Variants in MACF1 observed in about 807,000 individuals in gnomAD.
MACF1 encodes the protein microtubule actin crosslinking factor 1.
In MACF1, 193 loss-of-function variants were observed where a neutral mutation model predicts 854.8. That is an observed-to-expected ratio of 0.23 (90% CI 0.20 to 0.25). The LOEUF (loss-of-function observed/expected upper bound fraction) is 0.25, where lower values mean the gene tolerates loss of function less well. Among genes scored for constraint, MACF1 ranks in the 10% least tolerant of loss-of-function variants. The pLI, the probability that MACF1 is intolerant of heterozygous loss-of-function variation, is 1.00. For missense variants in MACF1, 7,722 were observed against 8,929.1 expected (o/e 0.86, Z 5.45); for synonymous variants, 3,185 against 3,226.7 (o/e 0.99, Z 0.44).
intron 22 of MACF1, 33 bp from the exon 23 acceptor site, chr1:39,302,891 C>A (rs756746330): frequency 2.5e-6 from 4 of 1,592,396 alleles, no homozygotes; most frequent in Non-Finnish European, 2.6e-6. Context: ...TTGGTTTATC[C>A]ATTAGCAATC....
intron 2 of MACF1, among the ~76,000 whole-genome samples, chr1:39,185,240 C>T (rs1030429470): frequency 2.0e-5 from 3 of 150,004 alleles, no homozygotes; most frequent in Non-Finnish European, 3.0e-5. Context: ...TGCAGTGAGC[C>T]GACATGGCAC....
chr1:39,171,203 TTGTG>T (rs147517281), intron 2 of MACF1, among the ~76,000 whole-genome samples: 3,444 of 146,324 alleles, frequency 0.024, 78 homozygotes, highest in East Asian at 0.13. Context: ...ATCTTTCTGT[TTGTG>T]TGTGTGTGTG....
intron 2 of MACF1, among the ~76,000 whole-genome samples, chr1:39,137,957 C>A (rs1370822437): frequency 1.3e-5 from 2 of 151,396 alleles, no homozygotes; most frequent in African/African-American, 4.9e-5. Context: ...GCCTATAATC[C>A]CAGCTACTAG....
chr1:39,341,470 C>T (rs1646934145), intron 40 of MACF1, among the ~76,000 whole-genome samples: 1 of 150,676 alleles, frequency 6.6e-6, no homozygotes, highest in Non-Finnish European at 1.5e-5. Context: ...CCGAGGCGGG[C>T]AGATCACCTG....
At chr1:39,411,385 G>A (rs1266801164) in intron 58 of MACF1, 5 of 1,613,934 alleles carry the variant, frequency 3.1e-6, no homozygotes, top group African/African-American at 1.3e-5. Context: ...AGTGGTGGAG[G>A]ATGGATCCGA....
Position 39,161,335 on chromosome 1 carries a change from G to A in MACF1, c.221-69847G>A, listed in dbSNP as rs76718314. On this transcript the variant is annotated intron_variant, in intron 2 of 93. Coordinates refer to the MACF1 transcript ENST00000361689. ...GAAGCAGAGAGGTAGGTGAAGTAGA[G>A]TGGTGAGAAAGTGGTTCACTAGCCT... Among the ~76,000 whole-genome samples the A allele has an allele frequency of 8.5e-3, 1,296 of 152,212 alleles. 17 individuals are homozygous for A. The highest frequency in any genetic ancestry group is 0.03 in the African/African-American group (1,226 of 41,522).
chr1:39,307,575 GATTATT>G (rs540625584), intron 23 of MACF1, among the ~76,000 whole-genome samples: 2 of 151,906 alleles, frequency 1.3e-5, no homozygotes, highest in African/African-American at 4.8e-5. Flanking sequence ...GGATGATGAT[GATTATT>G]ATTATTATTT....
intron 2 of MACF1, among the ~76,000 whole-genome samples, chr1:39,098,357 G>A (rs1641985899): frequency 6.6e-6 from 1 of 152,236 alleles, no homozygotes; most frequent in African/African-American, 2.4e-5. Context: ...ACTTGCTCAA[G>A]GTCTCCCAGC....
rs891505232 is a variant in MACF1 at position 39,409,116 on chromosome 1, G to C, written c.15817-13258G>C. 2.0e-5 allele frequency among the ~76,000 whole-genome samples: 3 copies of C among 151,962 alleles called. No individual in the cohort carries two copies. Among genetic ancestry groups the C allele is most frequent in the African/African-American group, 4.8e-5 (2 of 41,380 alleles). On this transcript the variant is annotated intron_variant, in intron 58 of 100. Transcript: ENST00000564288. The surrounding 1 kb of genome is among the most constrained non-coding windows in gnomAD (Gnocchi z 4.2). ...AGCGAGCTAGCGGGTCGCGCTGCGC[G>C]GGGGAGGAGGACTCGCCCCCCGCCC...
At chr1:39,478,695 C>T (rs768208422) in intron 97 of MACF1, among the ~76,000 whole-genome samples, 6 of 152,196 alleles carry the variant, frequency 3.9e-5, no homozygotes, top group Non-Finnish European at 7.3e-5. Flanking sequence ...CCTTAAGGGA[C>T]ATATGGGGTA....
chr1:39,194,030 A>G (rs948182782), intron 2 of MACF1, among the ~76,000 whole-genome samples: 1 of 151,874 alleles, frequency 6.6e-6, no homozygotes, highest in Non-Finnish European at 1.5e-5. Context: ...ATGGGGTTTC[A>G]CCATATTGGT....
chr1:39,163,088 C>T (rs1417114485), intron 2 of MACF1, among the ~76,000 whole-genome samples: 1 of 152,048 alleles, frequency 6.6e-6, no homozygotes, highest in African/African-American at 2.4e-5. Flanking sequence ...CATGGTGGCT[C>T]ACGCCTGTAA....
chr1:39,268,559 G>A, intron 6 of MACF1: 5 of 1,170,128 alleles, frequency 4.3e-6, no homozygotes, highest in Non-Finnish European at 5.4e-6. Context: ...GGGGAGGGAG[G>A]GAGAAAGAAT....
chr1:39,322,149 A>G (rs963604044), intron 31 of MACF1, among the ~76,000 whole-genome samples: 10 of 152,126 alleles, frequency 6.6e-5, no homozygotes, highest in Admixed American at 2.6e-4. Context: ...AATTAGGGAA[A>G]TTCACATCCC....
intron 58 of MACF1, among the ~76,000 whole-genome samples, chr1:39,421,934 G>A (rs1319596669): frequency 6.6e-6 from 1 of 152,070 alleles, no homozygotes; most frequent in Non-Finnish European, 1.5e-5. Context: ...AATTAGCTGG[G>A]CATGGTGGCG....
At chr1:39,159,851 G>A (rs1409244867) in intron 2 of MACF1, among the ~76,000 whole-genome samples, 1 of 152,104 alleles carries the variant, frequency 6.6e-6, no homozygotes, top group Non-Finnish European at 1.5e-5. Context: ...GGTAGAGGGA[G>A]GAAAGGAGTA....
intron 97 of MACF1, among the ~76,000 whole-genome samples, chr1:39,471,432 C>T (rs756315149): frequency 1.3e-5 from 2 of 152,184 alleles, no homozygotes; most frequent in Non-Finnish European, 2.9e-5. Flanking sequence ...GAGGACAGTA[C>T]AAGATGTGTG....
chr1:39,101,634 C>G (rs2148131656), intron 2 of MACF1, among the ~76,000 whole-genome samples: 1 of 150,946 alleles, frequency 6.6e-6, no homozygotes, highest in East Asian at 2.0e-4. Flanking sequence ...ACCATCCTGG[C>G]TAACACAGTG....
intron 2 of MACF1, among the ~76,000 whole-genome samples, chr1:39,247,943 A>G (rs1309049759): frequency 1.3e-5 from 2 of 151,988 alleles, no homozygotes; most frequent in African/African-American, 4.8e-5. Flanking sequence ...AATCACTTGA[A>G]CTCGGGAGGC....
Sources: allele counts gnomAD v4.1 joint callset (sites outside exome capture counted in the v4.1 genomes callset), GRCh38; gene constraint gnomAD v4.1.1; non-coding constraint Gnocchi (gnomAD v3.1); transcripts MANE v1.5; gene names NCBI Gene and HGNC (gene_info 2026-07-23, HGNC 2026-07-21).